Variants in CCDC82 observed in about 807,000 individuals in gnomAD.
CCDC82 encodes the protein coiled-coil domain-containing protein 82.
CCDC82 carries 47 observed loss-of-function variants against 60.6 expected under a neutral mutation model. That is an observed-to-expected ratio of 0.77 (90% CI 0.61 to 0.99). The LOEUF is 0.99. Among genes scored for constraint, CCDC82 ranks in the 50% least tolerant of loss-of-function variants. CCDC82 has a pLI of 0.00. For synonymous variants in CCDC82, 212 were observed against 207.4 expected (o/e 1.02, Z -0.19); for missense variants, 588 against 633.0 (o/e 0.93, Z 0.76).
chr11:96,371,576 C>T (rs999562619), intron 6 of CCDC82, among the ~76,000 whole-genome samples: 2 of 152,136 alleles, frequency 1.3e-5, no homozygotes, highest in Non-Finnish European at 2.9e-5. Flanking sequence ...AGTGAGACTC[C>T]GTCTCAAAAA....
chr11:96,373,497 C>G (rs11021560), intron 5 of CCDC82, 30 bp from the exon 6 acceptor site: 504,711 of 1,323,254 alleles, frequency 0.38, 97,366 homozygotes, highest in Middle Eastern at 0.41. Flanking sequence ...AATATTAGAA[C>G]AGAGCAGACA....
intron 7 of CCDC82, among the ~76,000 whole-genome samples, chr11:96,369,614 TCAAA>T (rs1865151957): frequency 6.6e-6 from 1 of 152,144 alleles, no homozygotes; most frequent in African/African-American, 2.4e-5. Flanking sequence ...TCTGTCACCC[TCAAA>T]CAATTATAAT....
intron 9 of CCDC82, 143 bp downstream of exon 9, chr11:96,358,850 A>T (rs1864477969): frequency 3.6e-6 from 3 of 844,920 alleles, no homozygotes; most frequent in Non-Finnish European, 5.4e-6. Flanking sequence ...GCATGAAAGG[A>T]ATGAGCGGAA....
At chr11:96,369,435 G>C (rs1865138458) in intron 7 of CCDC82, among the ~76,000 whole-genome samples, 1 of 152,038 alleles carries the variant, frequency 6.6e-6, no homozygotes, top group African/African-American at 2.4e-5. Flanking sequence ...CCTTTCACTT[G>C]AACGATCAGA....
chr11:96,361,858 A>C (rs923474542), intron 8 of CCDC82, among the ~76,000 whole-genome samples: 1 of 152,238 alleles, frequency 6.6e-6, no homozygotes. Context: ...TATTCTAACA[A>C]GAAAATTAGT....
chr11:96,362,156 TAAC>T (rs994675496), intron 8 of CCDC82, among the ~76,000 whole-genome samples: 30 of 152,286 alleles, frequency 2.0e-4, no homozygotes, highest in African/African-American at 7.0e-4. Context: ...TAAATCTAGA[TAAC>T]AAACTGAGGC....
chr11:96,377,315 TTTG>T (rs1177081837), intron 5 of CCDC82, among the ~76,000 whole-genome samples: 1 of 152,004 alleles, frequency 6.6e-6, no homozygotes, highest in Admixed American at 6.6e-5. Context: ...TTCTGTATCC[TTTG>T]TTAAGTCAGA....
chr11:96,367,254 A>G (rs1251632482), intron 7 of CCDC82, among the ~76,000 whole-genome samples: 1 of 152,230 alleles, frequency 6.6e-6, no homozygotes, highest in Non-Finnish European at 1.5e-5. Context: ...TCCTTTCATG[A>G]AAGATTTCTC....
intron 5 of CCDC82, among the ~76,000 whole-genome samples, chr11:96,377,567 T>C (rs1056659432): frequency 6.6e-6 from 1 of 152,174 alleles, no homozygotes; most frequent in Non-Finnish European, 1.5e-5. Flanking sequence ...TTCCTATTAC[T>C]AATTTTTTAA....
chr11:96,372,714 A>G (rs1319454819), intron 6 of CCDC82, among the ~76,000 whole-genome samples: 1 of 144,846 alleles, frequency 6.9e-6, no homozygotes, highest in Non-Finnish European at 1.5e-5. Context: ...ATATATACAT[A>G]TATATTTATA....
chr11:96,365,508 T>G (rs79813619), intron 7 of CCDC82, among the ~76,000 whole-genome samples: 2,326 of 152,220 alleles, frequency 0.015, 69 homozygotes, highest in African/African-American at 0.052. Flanking sequence ...ATAAGAAAAA[T>G]AATTCCAAGT....
rs1351005262 is a variant in CCDC82, at chr11:96,370,861, A to G, written c.1209+152T>C. ...ATAGTTAATGTGAAGGATTAAAACA[A>G]TAATAACTTTTAGAAGATGTGAGAA... is the stretch of plus-strand genomic sequence containing the variant. On this transcript the variant is annotated intron_variant, in intron 7 of 9. Coordinates refer to ENST00000646818, the MANE Select transcript of CCDC82 (RefSeq NM_024725.4). The G allele has an allele frequency of 2.1e-5, 13 of 607,590 alleles. No homozygotes were observed. The South Asian group carries it at 3.1e-4, about 14-fold the overall frequency. 37.6% of individuals were successfully genotyped at this position (607,590 alleles called of 1,614,324 possible). A position where few individuals can be genotyped will look rare whatever the true frequency, so the allele number is the denominator to read the frequency against.
Position 96,384,537 on chromosome 11 carries a change from T to C in CCDC82, c.211A>G (p.Lys71Glu). The change falls in exon 4 of 10, where the codon AAG becomes GAG. Residue 71 changes from lysine to glutamate, a missense_variant. Physicochemically the swap from Lys to Glu is moderately conservative, Grantham distance 56 (BLOSUM62 1). Transcript: ENST00000646818. ...GGTGTTTTATTACAATCAGGTCCCT[T>C]GTTACTATCAAGCTCTTCATCATTT... ...FENDEELDSN[K>E]GPDCNKTPGS... 1 of 1,613,706 alleles carries C rather than the reference T, an allele frequency of 6.2e-7. No homozygotes were observed. The highest frequency in any genetic ancestry group is 8.5e-7 in the Non-Finnish European group (1 of 1,179,758).
At chr11:96,356,332 T>TAATTTTA in intron 9 of CCDC82, 1 of 585,446 alleles carries the variant, frequency 1.7e-6, no homozygotes, top group Non-Finnish European at 2.2e-6. Context: ...TATCTAATTA[T>TAATTTTA]AATTTTAAAT....
Position 96,361,907 on chromosome 11 carries a change from G to A in CCDC82, c.1381-2729C>T, listed in dbSNP as rs569220435. Among the ~76,000 whole-genome samples, 14 of 152,310 alleles carry A rather than the reference G, an allele frequency of 9.2e-5. No homozygotes were observed. The South Asian group carries it at 1.2e-3, about 14-fold the overall frequency. The stretch of plus-strand genomic sequence containing the variant: ...GAGAAAAATAGGTGCTGTGGTGAGT[G>A]TTCACAAAGCAAATAAAGAAGATGA... On this transcript the variant is annotated intron_variant, in intron 8 of 9. Coordinates refer to ENST00000646818, the MANE Select transcript of CCDC82 (RefSeq NM_024725.4).
chr11:96,374,323 G>A (rs1865451488), intron 5 of CCDC82, among the ~76,000 whole-genome samples: 1 of 152,076 alleles, frequency 6.6e-6, no homozygotes, highest in African/African-American at 2.4e-5. Flanking sequence ...GATAGATTTT[G>A]ACTCTCCTTC....
chr11:96,356,351 A>G, intron 9 of CCDC82: 2 of 646,456 alleles, frequency 3.1e-6, no homozygotes, highest in Middle Eastern at 7.7e-4. Context: ...ATTATTATGT[A>G]TATGACAATA....
chr11:96,356,268 A>C lies in CCDC82; in HGVS notation c.1567-2554T>G, dbSNP rs184398757. On this transcript the variant is annotated intron_variant, in intron 9 of 9. Coordinates refer to ENST00000646818, the MANE Select transcript of CCDC82 (RefSeq NM_024725.4). ...GGGGTGGGGAAAAAAGGGGCAAGGG[A>C]AAAAGTTGAAAAGGAGGGGAAAAAG... The C allele has an allele frequency of 1.0e-3, 255 of 243,040 alleles. 1 individual carries two copies. The highest frequency in any genetic ancestry group is 5.1e-3 in the African/African-American group (219 of 43,270). 15.1% of individuals were successfully genotyped at this position (243,040 alleles called of 1,614,324 possible). A position where few individuals can be genotyped will look rare whatever the true frequency, so the allele number is the denominator to read the frequency against.
intron 8 of CCDC82, chr11:96,363,010 T>C (rs1864748498): frequency 6.6e-6 from 1 of 151,984 alleles, no homozygotes; most frequent in Non-Finnish European, 1.5e-5. Context: ...TCGCCCAGGC[T>C]GGAGTGCAGT....
Sources: gnomAD v4.1 joint callset for allele counts (sites outside exome capture counted in the v4.1 genomes callset) on GRCh38, gnomAD v4.1.1 for gene constraint, MANE v1.5 for transcripts, NCBI Gene and HGNC (gene_info 2026-07-23, HGNC 2026-07-21) for gene names.